Variants in INCA1 observed in about 807,000 individuals in gnomAD.
INCA1 encodes the protein protein INCA1.
INCA1 carries 28 observed loss-of-function variants against 25.7 expected under a neutral mutation model. That is an observed-to-expected ratio of 1.09 (90% CI 0.81 to 1.49). The LOEUF is 1.49. Ranked by LOEUF, INCA1 falls within the 40% of genes most tolerant of loss-of-function variation. The pLI is 0.00. For synonymous variants in INCA1, 111 were observed against 103.6 expected (o/e 1.07, Z -0.43); for missense variants, 309 against 290.9 (o/e 1.06, Z -0.45).
rs80338518 is a variant in INCA1 at position 4,991,299 on chromosome 17, G to A, written c.45-1034C>T. Among the ~76,000 whole-genome samples the A allele has an allele frequency of 1.2e-3, 177 of 152,284 alleles. 2 individuals carry two copies. In the East Asian group the frequency reaches 0.017, roughly 15 times the overall value. On this transcript the variant is annotated intron_variant, in intron 2 of 6. Transcript: ENST00000576820. ...CCTAGGCCGCAGGTTGGACAAGCTT[G>A]CTTTATACCTCATAGTTAGAGAAGG... is the stretch of plus-strand genomic sequence containing the variant.
chr17:4,990,326 C>T, intron 2 of INCA1, 61 bp from the exon 3 acceptor site: 1 of 1,542,494 alleles, frequency 6.5e-7, no homozygotes, highest in Non-Finnish European at 8.7e-7. Context: ...CTACTCATCC[C>T]AAGGATTCAG....
At chr17:4,988,718 CCA>C in intron 6 of INCA1, 59 bp downstream of exon 6, 1 of 1,594,634 alleles carries the variant, frequency 6.3e-7, no homozygotes, top group Non-Finnish European at 8.6e-7. Flanking sequence ...TTCTGCATCT[CCA>C]TGCAAGACCA....
At chr17:4,991,729 C>G (rs1359315793) in intron 2 of INCA1, among the ~76,000 whole-genome samples, 1 of 152,176 alleles carries the variant, frequency 6.6e-6, no homozygotes, top group African/African-American at 2.4e-5. Flanking sequence ...ACATCTCCTC[C>G]CCAACCTTCC....
In INCA1 at chr17:4,989,542, C is replaced by T. The variant is rs113621134; in HGVS notation, c.281G>A (p.Arg94Lys). Residue 94 changes from arginine (R) to lysine (K), a missense_variant, in exon 5 of 7, where the codon AGG becomes AAG. Physicochemically the swap from Arg to Lys is conservative, Grantham distance 26. Coordinates refer to ENST00000576820, the Ensembl canonical transcript of INCA1. ...CTGCATTCCTTCCAAACATGGCCTC[C>T]TCTTCTTTCTTCTCCAAAGCATTTC... 35 of 1,614,262 alleles carry T rather than the reference C, an allele frequency of 2.2e-5. No homozygotes were observed. Among genetic ancestry groups the T allele is most frequent in the Middle Eastern group, 3.3e-4 (2 of 6,062 alleles).
chr17:4,988,192 G>A (rs1973493545), downstream of INCA1: 3 of 480,610 alleles, frequency 6.2e-6, no homozygotes, highest in East Asian at 1.1e-4. Context: ...GGGGCCTGGA[G>A]GAAAACAGGA....
upstream of INCA1, among the ~76,000 whole-genome samples, chr17:4,997,310 G>A (rs1974361929): frequency 1.3e-5 from 2 of 152,188 alleles, no homozygotes; most frequent in Admixed American, 1.3e-4. Flanking sequence ...GGCCCAGGCT[G>A]AAGGGCAGGC....
exon 7 of INCA1, chr17:4,988,488 G>T: frequency 1.2e-6 from 2 of 1,614,168 alleles, no homozygotes; most frequent in South Asian, 1.1e-5. Flanking sequence ...AACGAGGCCA[G>T]AGAGTGCAGC....
At chr17:4,995,394 T>C (rs115040776) in intron 1 of INCA1, among the ~76,000 whole-genome samples, 218 of 152,192 alleles carry the variant, frequency 1.4e-3, no homozygotes, top group African/African-American at 5.0e-3. Flanking sequence ...GACAATGAAA[T>C]TGAAAAATGA....
At chr17:4,995,445 A>C (rs1383211661) in intron 1 of INCA1, among the ~76,000 whole-genome samples, 2 of 152,182 alleles carry the variant, frequency 1.3e-5, no homozygotes, top group Non-Finnish European at 2.9e-5. Flanking sequence ...TTTGGGGGTA[A>C]GAGAAGTGAC....
At chr17:4,994,816 C>T (rs1202755819) in intron 1 of INCA1, among the ~76,000 whole-genome samples, 2 of 138,062 alleles carry the variant, frequency 1.4e-5, no homozygotes, top group Admixed American at 1.5e-4. Context: ...AAAAAAAAGG[C>T]ATTCATTCAT....
chr17:4,988,238 G>T, exon 7 of INCA1: 1 of 658,896 alleles, frequency 1.5e-6, no homozygotes. Flanking sequence ...GGGTTGAGAT[G>T]GGAGCCCACG....
chr17:4,991,800 AC>A (rs1213300163), intron 2 of INCA1, among the ~76,000 whole-genome samples: 11 of 152,154 alleles, frequency 7.2e-5, no homozygotes, highest in Admixed American at 7.2e-4. Flanking sequence ...GGTATGTCTC[AC>A]TTTCCCTCAC....
chr17:4,996,524 A>G (rs1239754917), intron 1 of INCA1, among the ~76,000 whole-genome samples: 2 of 151,858 alleles, frequency 1.3e-5, no homozygotes, highest in African/African-American at 4.8e-5. Flanking sequence ...TCTACTAAAA[A>G]TACAAAAATT....
intron 3 of INCA1, 94 bp downstream of exon 3, chr17:4,990,058 A>C: frequency 1.2e-6 from 2 of 1,611,492 alleles, no homozygotes; most frequent in Non-Finnish European, 1.7e-6. Context: ...GTGGGAAATT[A>C]ACCGCAGACT....
Position 4,989,411 on chromosome 17 carries a change from A to T in INCA1, c.395+17T>A, listed in dbSNP as rs1973665844. ...ATCCTGCATGACTCCCAGAACCCAG[A>T]TGTCTCCCTTCCTTACTCGTTGATG... On this transcript the variant is annotated intron_variant, in intron 5 of 6. Transcript: ENST00000576820. 2 of 1,604,566 alleles carry T rather than the reference A, an allele frequency of 1.2e-6. No homozygotes were observed. Among genetic ancestry groups the T allele is most frequent in the Admixed American group, 3.4e-5 (2 of 59,396 alleles).
chr17:4,994,455 TAGTTAGTCTCCTTTTTGGTGCTGGG>T lies in INCA1; in HGVS notation c.-38-5_-19del. ...ACCTGCATGACTGGACGGGGCTGGGTAGTTAGTCTCCTTTTTGGTGCTGGGAGGATAATGGAAAAGAAGTCATTCA... is the reference window on the plus strand; with the variant it reads ...ACCTGCATGACTGGACGGGGCTGGGTAGGATAATGGAAAAGAAGTCATTCA... On this transcript the variant is annotated splice_acceptor_variant and splice_polypyrimidine_tract_variant and 5_prime_UTR_variant and intron_variant, in exon 2 of 7. Transcript: ENST00000576820. LOFTEE classifies it low-confidence loss of function (5UTR_SPLICE). 1 of 1,613,344 alleles carries T rather than the reference TAGTTAGTCTCCTTTTTGGTGCTGGG, an allele frequency of 6.2e-7. No individual in the cohort carries two copies. The highest frequency in any genetic ancestry group is 2.2e-5 in the East Asian group (1 of 44,834).
intron 2 of INCA1, among the ~76,000 whole-genome samples, chr17:4,994,135 T>C (rs1974066091): frequency 6.6e-6 from 1 of 152,206 alleles, no homozygotes; most frequent in Non-Finnish European, 1.5e-5. Context: ...GCACATTCTG[T>C]GTTCCCCTCT....
At chr17:4,994,444 A>T (rs979547739) in exon 2 of INCA1, 4 of 1,613,490 alleles carry the variant, frequency 2.5e-6, no homozygotes, top group African/African-American at 1.3e-5. Flanking sequence ...GCATGACTGG[A>T]CGGGGCTGGG....
At chr17:4,989,579 G>A (rs779305174) in exon 5 of INCA1, 4 of 1,614,234 alleles carry the variant, frequency 2.5e-6, no homozygotes, top group Non-Finnish European at 2.5e-6. Flanking sequence ...GGGGGTGGGA[G>A]CTGCTCAGGA....
Sources: allele counts gnomAD v4.1 joint callset (sites outside exome capture counted in the v4.1 genomes callset), GRCh38; gene constraint gnomAD v4.1.1; transcripts MANE v1.5; gene names NCBI Gene and HGNC (gene_info 2026-07-23, HGNC 2026-07-21).